The following TMPRSS11D variants were observed in gnomAD, a reference collection of about 807,000 sequenced individuals.
The protein encoded by TMPRSS11D is transmembrane serine protease 11D, also known as transmembrane protease serine 11D.
Under a neutral mutation model 44.4 loss-of-function variants are expected in TMPRSS11D, and 32 were observed. That is an observed-to-expected ratio of 0.72 (90% confidence interval 0.54 to 0.97). The LOEUF (loss-of-function observed/expected upper bound fraction) is 0.97, where lower values mean the gene tolerates loss of function less well. Among genes scored for constraint, TMPRSS11D ranks in the 50% least tolerant of loss-of-function variants. TMPRSS11D has a pLI of 0.00. For missense variants in TMPRSS11D, 446 were observed against 502.6 expected (o/e 0.89, Z 1.08); for synonymous variants, 179 against 177.9 (o/e 1.01, Z -0.05).
intron 1 of TMPRSS11D, among the ~76,000 whole-genome samples, chr4:67,862,866 T>C (rs978895381): frequency 4.6e-5 from 7 of 151,446 alleles, no homozygotes; most frequent in Non-Finnish European, 7.4e-5. Context: ...ATGAGAACAC[T>C]TGGACACAGG....
At chr4:67,833,457 A>T in intron 6 of TMPRSS11D, 76 bp from the exon 7 acceptor site, 1 of 1,299,652 alleles carries the variant, frequency 7.7e-7, no homozygotes, top group Non-Finnish European at 1.0e-6. Flanking sequence ...GAGTCTTTCC[A>T]TAATTTATGA....
At chr4:67,824,415 T>C (rs1000715981) in intron 9 of TMPRSS11D, among the ~76,000 whole-genome samples, 1 of 152,258 alleles carries the variant, frequency 6.6e-6, no homozygotes, top group Non-Finnish European at 1.5e-5. Context: ...GTTGTGTTGC[T>C]TATTTGATTG....
At chr4:67,868,234 T>G (rs2109697185) in intron 1 of TMPRSS11D, among the ~76,000 whole-genome samples, 1 of 152,284 alleles carries the variant, frequency 6.6e-6, no homozygotes, top group South Asian at 2.1e-4. Context: ...TGTTCTCACT[T>G]ATACATGGGA....
intron 1 of TMPRSS11D, among the ~76,000 whole-genome samples, chr4:67,879,562 T>C (rs1167674496): frequency 1.3e-5 from 2 of 150,378 alleles, no homozygotes; most frequent in Non-Finnish European, 3.0e-5. Context: ...GTTTGACCCA[T>C]GGGATAAGCA....
Position 67,859,696 on chromosome 4 carries a change from T to G in TMPRSS11D, c.9-18A>C. ...GTGCTGGCCTTACAAGAGAGAGAGA[T>G]CAAAGAAAGTCATTCATTTCACTGA... On this transcript the variant is annotated intron_variant, in intron 1 of 9. Coordinates refer to ENST00000283916, the MANE Select transcript of TMPRSS11D (RefSeq NM_004262.3). 6.2e-7 allele frequency: 1 copy of G among 1,600,014 alleles called. No homozygotes were observed.
At chr4:67,840,077 A>C (rs1286548660) in intron 4 of TMPRSS11D, among the ~76,000 whole-genome samples, 1 of 151,184 alleles carries the variant, frequency 6.6e-6, no homozygotes, top group Non-Finnish European at 1.5e-5. Context: ...AGATATGTTA[A>C]GTCTAGGTTG....
intron 2 of TMPRSS11D, among the ~76,000 whole-genome samples, chr4:67,858,467 T>C (rs1489432920): frequency 2.0e-5 from 3 of 152,266 alleles, no homozygotes; most frequent in African/African-American, 7.2e-5. Flanking sequence ...CAAAATGCAG[T>C]CAAAAGCAAA....
chr4:67,835,066 A>G lies in TMPRSS11D; in HGVS notation c.514+17T>C, dbSNP rs781318185. The G allele has an allele frequency of 6.2e-7, 1 of 1,610,826 alleles. No individual in the cohort carries two copies. On this transcript the variant is annotated intron_variant, in intron 6 of 9. Transcript: ENST00000283916. The stretch of plus-strand genomic sequence containing the variant: ...TGATTTGGCAAATTACAGTTACAAA[A>G]TAATATTAAAACTTACCATTAATAA...
Position 67,838,345 on chromosome 4 carries a change from A to G in TMPRSS11D, c.318-16T>C. The G allele has an allele frequency of 2.0e-6, 3 of 1,524,040 alleles. No individual in the cohort carries two copies. The highest frequency in any genetic ancestry group is 2.6e-6 in the Non-Finnish European group (3 of 1,138,858). The allele number at this position is 1,524,040 out of a possible 1,614,324, so 94.4% of individuals were successfully genotyped here. A position where few individuals can be genotyped will look rare whatever the true frequency, so the allele number is the denominator to read the frequency against. On this transcript the variant is annotated splice_polypyrimidine_tract_variant and intron_variant, in intron 4 of 9. Coordinates refer to ENST00000283916, the MANE Select transcript of TMPRSS11D (RefSeq NM_004262.3). ...ACCATCTTGCCTGTAAATCATAAAG[A>G]TATTTTAAAAAACAAATAATATGAC...
At chr4:67,834,813 A>G (rs867134236) in intron 6 of TMPRSS11D, among the ~76,000 whole-genome samples, 1 of 152,172 alleles carries the variant, frequency 6.6e-6, no homozygotes, top group Non-Finnish European at 1.5e-5. Context: ...CAAAGCTGCC[A>G]AAGAAATTTT....
At chr4:67,872,909 T>G (rs901782599) in intron 1 of TMPRSS11D, among the ~76,000 whole-genome samples, 5 of 152,216 alleles carry the variant, frequency 3.3e-5, no homozygotes, top group African/African-American at 1.2e-4. Flanking sequence ...TTAAACTGCT[T>G]AATTCTGGGA....
chr4:67,863,858 A>G (rs1718853593), intron 1 of TMPRSS11D, among the ~76,000 whole-genome samples: 1 of 152,128 alleles, frequency 6.6e-6, no homozygotes, highest in South Asian at 2.1e-4. Context: ...CAACTGAAGT[A>G]TAACAGCAAG....
intron 1 of TMPRSS11D, among the ~76,000 whole-genome samples, chr4:67,879,126 A>G (rs994343582): frequency 6.6e-6 from 1 of 152,078 alleles, no homozygotes; most frequent in Non-Finnish European, 1.5e-5. Flanking sequence ...CTAGGGAATC[A>G]TTAGCTTATG....
intron 1 of TMPRSS11D, among the ~76,000 whole-genome samples, chr4:67,865,998 C>T (rs1250844864): frequency 2.6e-5 from 4 of 151,802 alleles, no homozygotes; most frequent in African/African-American, 9.7e-5. Context: ...CATTCTATGA[C>T]TCCAGTATTA....
chr4:67,848,174 T>C lies in TMPRSS11D; in HGVS notation c.250-5549A>G, dbSNP rs756749273. ...ATATATTTTGGGAAAAAAGTATTTGTTGTTTGCAGACATTTGTTTCAATGT... is the reference window on the plus strand; with the variant it reads ...ATATATTTTGGGAAAAAAGTATTTGCTGTTTGCAGACATTTGTTTCAATGT... On this transcript the variant is annotated intron_variant, in intron 3 of 9. Coordinates refer to ENST00000283916, the MANE Select transcript of TMPRSS11D (RefSeq NM_004262.3). 1.3e-3 allele frequency among the ~76,000 whole-genome samples: 197 copies of C among 152,352 alleles called. 1 individual carries two copies. The highest frequency in any genetic ancestry group is 2.0e-3 in the Admixed American group (31 of 15,304).
chr4:67,873,840 C>T (rs1719115777), intron 1 of TMPRSS11D, among the ~76,000 whole-genome samples: 1 of 152,046 alleles, frequency 6.6e-6, no homozygotes, highest in Admixed American at 6.6e-5. Flanking sequence ...ATAGATCCTT[C>T]TCTGTTTCCT....
intron 5 of TMPRSS11D, among the ~76,000 whole-genome samples, chr4:67,837,197 G>A (rs988552524): frequency 3.3e-5 from 5 of 152,126 alleles, no homozygotes; most frequent in Non-Finnish European, 7.4e-5. Flanking sequence ...TGGGAAGTGC[G>A]TTCGGGAGCA....
chr4:67,824,939 C>A (rs1274094399), intron 9 of TMPRSS11D, among the ~76,000 whole-genome samples: 1 of 152,082 alleles, frequency 6.6e-6, no homozygotes, highest in Non-Finnish European at 1.5e-5. Flanking sequence ...CATATAACTG[C>A]ATCAATTATG....
chr4:67,881,589 A>G (rs1352985915), intron 1 of TMPRSS11D, among the ~76,000 whole-genome samples: 1 of 152,174 alleles, frequency 6.6e-6, no homozygotes, highest in Non-Finnish European at 1.5e-5. Flanking sequence ...ATGATTTACA[A>G]TTTTAAGCAT....
Sources: gnomAD v4.1 joint callset for allele counts (sites outside exome capture counted in the v4.1 genomes callset) on GRCh38, gnomAD v4.1.1 for gene constraint, MANE v1.5 for transcripts, NCBI Gene and HGNC (gene_info 2026-07-23, HGNC 2026-07-21) for gene names.